Variants in CSMD1 observed in about 807,000 individuals in gnomAD.
CSMD1 encodes CUB and sushi domain-containing protein 1.
CSMD1 carries 213 observed loss-of-function variants against 417.5 expected under a neutral mutation model. The ratio of observed to expected loss-of-function variants is 0.51; its 90% CI spans 0.46 to 0.57. The LOEUF is 0.57. Among genes scored for constraint, CSMD1 ranks in the 20% least tolerant of loss-of-function variants. The probability of loss-of-function intolerance (pLI) is 0.00; values close to 1 mark genes in which losing one functional copy is unlikely to be tolerated. For missense variants in CSMD1, 6,923 were observed against 4,529.7 expected (o/e 1.53, Z -15.17); for synonymous variants, 2,862 against 1,736.8 (o/e 1.65, Z -16.11).
At chr8:4,296,748 T>C (rs1563408651) in intron 3 of CSMD1, among the ~76,000 whole-genome samples, 1 of 147,964 alleles carries the variant, frequency 6.8e-6, no homozygotes, top group Non-Finnish European at 1.5e-5. Flanking sequence ...GGTATATTTC[T>C]ACTGTATAAT....
intron 6 of CSMD1, among the ~76,000 whole-genome samples, chr8:3,713,094 G>C (rs990638614): frequency 6.6e-6 from 1 of 152,048 alleles, no homozygotes; most frequent in Non-Finnish European, 1.5e-5. Context: ...TCTCTTTTCT[G>C]ATAACAACAT....
chr8:3,910,135 G>C (rs193130911), intron 5 of CSMD1, among the ~76,000 whole-genome samples: 26 of 152,284 alleles, frequency 1.7e-4, no homozygotes, highest in Non-Finnish European at 2.8e-4. Context: ...CAGTGTGTGA[G>C]CTTTTCTTAC....
chr8:3,216,060 A>G (rs978872842), intron 29 of CSMD1, among the ~76,000 whole-genome samples: 5 of 149,162 alleles, frequency 3.4e-5, no homozygotes, highest in African/African-American at 1.2e-4. Flanking sequence ...AATATATATT[A>G]TATATATAAG....
chr8:4,637,712 G>A lies in CSMD1; in HGVS notation c.86-154C>T, dbSNP rs576889725. Among the ~76,000 whole-genome samples, 224 of 127,810 alleles carry A rather than the reference G, an allele frequency of 1.8e-3. 1 individual carries two copies. The highest frequency in any genetic ancestry group is 6.0e-3 in the African/African-American group (209 of 34,640). 83.8% of individuals were successfully genotyped at this position (127,810 alleles called of 152,430 possible). On this transcript the variant is annotated intron_variant, in intron 1 of 69. Transcript: ENST00000635120. ...GGAGTCTCGCTCTGTCGCCCAGGCC[G>A]GACTGCGGACTGCAGTGGCGCGATC... is the stretch of plus-strand genomic sequence containing the variant.
chr8:4,862,195 T>C (rs928124144), intron 1 of CSMD1, among the ~76,000 whole-genome samples: 6 of 151,788 alleles, frequency 4.0e-5, no homozygotes, highest in Non-Finnish European at 7.4e-5. Flanking sequence ...TCCTTGAACC[T>C]CAACGAGGCC....
At chr8:4,301,019 C>G (rs540392709) in intron 3 of CSMD1, among the ~76,000 whole-genome samples, 1 of 152,032 alleles carries the variant, frequency 6.6e-6, no homozygotes, top group East Asian at 1.9e-4. Flanking sequence ...TTTATAGCAG[C>G]ATGATAAGAT....
At position 3,389,007 on chromosome 8, in the gene CSMD1, G is replaced by T. The variant is rs139588288; in HGVS notation, c.2594-1325C>A. Among the ~76,000 whole-genome samples the T allele has an allele frequency of 4.7e-4, 72 of 151,816 alleles. No individual in the cohort carries two copies. In the East Asian group the frequency reaches 0.013, roughly 28 times the overall value. ...CTCCCACAGATTTTATGCATTATTG[G>T]CTCCAAATGAACACATGGTACCCAA... On this transcript the variant is annotated intron_variant, in intron 17 of 69. Coordinates refer to ENST00000635120, the MANE Select transcript of CSMD1 (RefSeq NM_033225.6).
At chr8:3,725,582 G>C (rs147265639) in intron 6 of CSMD1, among the ~76,000 whole-genome samples, 55 of 152,220 alleles carry the variant, frequency 3.6e-4, no homozygotes, top group Admixed American at 9.2e-4. Flanking sequence ...GTTGAGGAGA[G>C]AGGAAGCCTG....
At chr8:4,567,599 A>C (rs2130640813) in intron 2 of CSMD1, among the ~76,000 whole-genome samples, 1 of 152,296 alleles carries the variant, frequency 6.6e-6, no homozygotes, top group East Asian at 1.9e-4. Flanking sequence ...AACCCCACAG[A>C]AAGAGTGCTC....
intron 1 of CSMD1, among the ~76,000 whole-genome samples, chr8:4,719,929 G>A (rs1214153750): frequency 6.6e-6 from 1 of 151,998 alleles, no homozygotes; most frequent in Non-Finnish European, 1.5e-5. Flanking sequence ...TTTAACAGTT[G>A]TTGATAGCTA....
chr8:3,295,179 C>T (rs1281934695), intron 25 of CSMD1, among the ~76,000 whole-genome samples: 1 of 151,920 alleles, frequency 6.6e-6, no homozygotes, highest in Non-Finnish European at 1.5e-5. Context: ...GGTTGGAGTG[C>T]AGTGGTGTGA....
chr8:3,638,173 A>G (rs1797137993), intron 7 of CSMD1, among the ~76,000 whole-genome samples: 1 of 152,078 alleles, frequency 6.6e-6, no homozygotes, highest in South Asian at 2.1e-4. Context: ...TCCTTCCAAT[A>G]TTTTACTTCA....
intron 1 of CSMD1, among the ~76,000 whole-genome samples, chr8:4,902,264 GCTCT>G (rs1232042958): frequency 6.9e-5 from 10 of 145,276 alleles, no homozygotes; most frequent in African/African-American, 2.3e-4. Flanking sequence ...AAAACATCTC[GCTCT>G]ATCTATTAAA....
At chr8:3,058,721 G>C (rs1812398585) in intron 49 of CSMD1, among the ~76,000 whole-genome samples, 2 of 151,908 alleles carry the variant, frequency 1.3e-5, no homozygotes, top group Admixed American at 1.3e-4. Context: ...TTTTCTAACA[G>C]GCTGCGTGGT....
At chr8:3,880,986 C>G (rs1188925720) in intron 5 of CSMD1, among the ~76,000 whole-genome samples, 1 of 151,934 alleles carries the variant, frequency 6.6e-6, no homozygotes, top group South Asian at 2.1e-4. Flanking sequence ...CTAGCAAAGG[C>G]AAATGAAGAT....
chr8:3,364,856 G>A (rs1441683689), intron 20 of CSMD1, among the ~76,000 whole-genome samples: 6 of 152,160 alleles, frequency 3.9e-5, no homozygotes, highest in Admixed American at 3.3e-4. Context: ...TATGGCAAGT[G>A]GCACAAACAG....
chr8:3,259,568 C>T (rs1800904550), intron 26 of CSMD1, among the ~76,000 whole-genome samples: 1 of 152,194 alleles, frequency 6.6e-6, no homozygotes, highest in Non-Finnish European at 1.5e-5. Context: ...AACTCCATTA[C>T]AATGATTAGT....
chr8:4,746,315 G>C (rs1276071656), intron 1 of CSMD1, among the ~76,000 whole-genome samples: 1 of 152,148 alleles, frequency 6.6e-6, no homozygotes, highest in Non-Finnish European at 1.5e-5. Flanking sequence ...AATTCACTCA[G>C]AATAGCGACT....
intron 5 of CSMD1, among the ~76,000 whole-genome samples, chr8:3,814,470 T>G (rs1190832510): frequency 2.0e-5 from 3 of 152,156 alleles, no homozygotes; most frequent in Admixed American, 6.5e-5. Flanking sequence ...ATTTGCACAC[T>G]CCATAGCTTT....
Sources: allele counts gnomAD v4.1 joint callset (sites outside exome capture counted in the v4.1 genomes callset), GRCh38; gene constraint gnomAD v4.1.1; transcripts MANE v1.5; gene names NCBI Gene and HGNC (gene_info 2026-07-23, HGNC 2026-07-21).